SCN1A: variants seen among roughly 807,000 people sequenced by gnomAD.
SCN1A encodes sodium channel protein type 1 subunit alpha.
SCN1A carries 13 observed loss-of-function variants against 193.7 expected under a neutral mutation model. The observed-to-expected ratio is 0.07, with a 90% confidence interval of 0.04 to 0.11. The LOEUF (loss-of-function observed/expected upper bound fraction) is 0.11. Ranked by LOEUF, SCN1A falls within the 10% of genes least tolerant of loss-of-function variation. The pLI, the probability that SCN1A is intolerant of heterozygous loss-of-function variation, is 1.00. For missense variants in SCN1A, 1,432 were observed against 2,451.1 expected (o/e 0.58, Z 8.78); for synonymous variants, 781 against 843.6 (o/e 0.93, Z 1.29).
intron 2 of SCN1A, among the ~76,000 whole-genome samples, chr2:166,082,869 T>G (rs1305085108): frequency 2.0e-5 from 3 of 152,082 alleles, no homozygotes; most frequent in Non-Finnish European, 4.4e-5. Context: ...ATATCCATAC[T>G]GAAGAGAAAC....
rs1195803168 is a variant in SCN1A at position 165,990,304 on chromosome 2, A to G, written c.*941T>C. 1 of 152,704 alleles carries G rather than the reference A, an allele frequency of 6.5e-6. No homozygotes were observed. Among genetic ancestry groups the G allele is most frequent in the Admixed American group, 6.5e-5 (1 of 15,274 alleles). The allele number at this position is 152,704 out of a possible 1,614,324, so 9.5% of individuals were successfully genotyped here. A position where few individuals can be genotyped will look rare whatever the true frequency, so the allele number is the denominator to read the frequency against. ...CATTTCATTAACATATACAGTGTCA[A>G]CCTTGCTGAGAGCCGAAGATGGCTA... On this transcript the variant is annotated 3_prime_UTR_variant, in exon 29 of 29. Transcript: ENST00000674923.
intron 17 of SCN1A, 45 bp downstream of exon 17, chr2:166,039,378 G>A: frequency 3.8e-6 from 6 of 1,582,934 alleles, no homozygotes; most frequent in Non-Finnish European, 4.3e-6. Context: ...AACCCTGATT[G>A]TTAGAAAGGT....
In SCN1A at chr2:166,041,474, AT is replaced by A; in HGVS notation, c.2177-6del. ...TCTGCCTGGATTCTTCAAGTTCTAG[AT>A]TAAGAAAAAAAAAAAAAAGAACCAC... On this transcript the variant is annotated splice_polypyrimidine_tract_variant and splice_region_variant and intron_variant, in intron 15 of 28. Transcript: ENST00000674923. The A allele has an allele frequency of 7.4e-7, 1 of 1,344,664 alleles. No homozygotes were observed. Among genetic ancestry groups the A allele is most frequent in the African/African-American group, 1.7e-5 (1 of 57,304 alleles). The allele number at this position is 1,344,664 out of a possible 1,614,324, so 83.3% of individuals were successfully genotyped here. A position where few individuals can be genotyped will look rare whatever the true frequency, so the allele number is the denominator to read the frequency against.
At chr2:166,070,771 A>G (rs1684333635) in intron 4 of SCN1A, among the ~76,000 whole-genome samples, 1 of 152,180 alleles carries the variant, frequency 6.6e-6, no homozygotes, top group African/African-American at 2.4e-5. Context: ...TAATTAAAGA[A>G]AAAAAAGATT....
At chr2:166,085,255 T>C (rs971629743) in intron 2 of SCN1A, among the ~76,000 whole-genome samples, 1 of 152,192 alleles carries the variant, frequency 6.6e-6, no homozygotes, top group Non-Finnish European at 1.5e-5. Context: ...TAGTCATTAG[T>C]GTTATTAAGA....
chr2:166,142,914 A>G (rs1692149867), intron 1 of SCN1A, among the ~76,000 whole-genome samples: 2 of 152,166 alleles, frequency 1.3e-5, no homozygotes, highest in African/African-American at 4.8e-5. Context: ...GCCTGCAGCC[A>G]TGTAAGGCGT....
At chr2:166,147,341 A>G (rs1429912358) in intron 1 of SCN1A, among the ~76,000 whole-genome samples, 1 of 152,252 alleles carries the variant, frequency 6.6e-6, no homozygotes, top group Non-Finnish European at 1.5e-5. Context: ...ATACAAAGAT[A>G]TATATGGTAG....
chr2:166,072,491 C>T (rs1046164150), intron 4 of SCN1A, among the ~76,000 whole-genome samples: 1 of 151,916 alleles, frequency 6.6e-6, no homozygotes, highest in Non-Finnish European at 1.5e-5. Context: ...TACATTAATA[C>T]CAAAATATTA....
chr2:166,056,593 G>A (rs1205678754), intron 5 of SCN1A, 93 bp from the exon 6 acceptor site: 1 of 877,300 alleles, frequency 1.1e-6, no homozygotes, highest in Non-Finnish European at 1.9e-6. Flanking sequence ...CTGCAGCTTA[G>A]CCAAAATTCA....
rs781107120 is a variant in SCN1A at position 166,029,998 on chromosome 2, A to G, written c.3429+6050T>C. 2.6e-5 allele frequency among the ~76,000 whole-genome samples: 4 copies of G among 152,298 alleles called. No individual in the cohort carries two copies. The South Asian group carries it at 8.3e-4, about 32-fold the overall frequency. On this transcript the variant is annotated intron_variant, in intron 19 of 28. Coordinates refer to ENST00000674923, the MANE Select transcript of SCN1A (RefSeq NM_001165963.4). Reference sequence around the variant, plus strand: ...TTCAGGACTAAGCAGGAGGACTCTGAAACACTCCAGACTATGCTGTTAACC... The same window carrying G: ...TTCAGGACTAAGCAGGAGGACTCTGGAACACTCCAGACTATGCTGTTAACC...
intron 19 of SCN1A, among the ~76,000 whole-genome samples, chr2:166,020,470 T>C (rs1223491545): frequency 6.6e-6 from 1 of 152,222 alleles, no homozygotes. Flanking sequence ...GGCTACTGCC[T>C]AGGATATCTG....
intron 2 of SCN1A, among the ~76,000 whole-genome samples, chr2:166,088,350 T>TGGTGCCAATGCCTATTTTCA (rs575351882): frequency 0.016 from 2,443 of 152,248 alleles, 36 homozygotes; most frequent in Middle Eastern, 0.037. Context: ...ACCATTTTTG[T>TGGTGCCAATGCCTATTTTCA]GGTGCCAATG....
rs202159085 is a variant in SCN1A at position 165,991,563 on chromosome 2, C to T, written c.5712G>A (p.Gln1904=). Residue 1904 remains glutamine, a synonymous_variant, in exon 29 of 29, where the codon CAG becomes CAA. Coordinates refer to ENST00000674923, the MANE Select transcript of SCN1A (RefSeq NM_001165963.4). ...MASNPSKVSY[Q]PITTTLKRKQ... ...TTCGTTTTAAAGTAGTAGTGATTGGCTGATAGGAGACCTTGGAAGGATTGG... is the reference window on the plus strand; with the variant it reads ...TTCGTTTTAAAGTAGTAGTGATTGGTTGATAGGAGACCTTGGAAGGATTGG... The T allele has an allele frequency of 3.1e-6, 5 of 1,613,904 alleles. No homozygotes were observed. In the East Asian group the frequency reaches 8.9e-5, roughly 29 times the overall value.
At chr2:166,104,280 A>G (rs1294371019) in intron 2 of SCN1A, 1 of 152,248 alleles carries the variant, frequency 6.6e-6, no homozygotes, top group Non-Finnish European at 1.5e-5. Flanking sequence ...TAGAAGAAGT[A>G]ACAGGGAAGA....
intron 23 of SCN1A, among the ~76,000 whole-genome samples, chr2:166,003,545 G>A (rs1691237978): frequency 6.6e-6 from 1 of 150,560 alleles, no homozygotes; most frequent in South Asian, 2.1e-4. Flanking sequence ...TTCTATAGAA[G>A]GATGTTTTCC....
intron 2 of SCN1A, chr2:166,123,405 C>A (rs1574608458): frequency 6.6e-6 from 1 of 152,216 alleles, no homozygotes; most frequent in Non-Finnish European, 1.5e-5. Context: ...GACTGGGTGA[C>A]TATATCATTC....
At chr2:166,059,977 T>C (rs1250468233) in intron 4 of SCN1A, among the ~76,000 whole-genome samples, 1 of 152,208 alleles carries the variant, frequency 6.6e-6, no homozygotes, top group Non-Finnish European at 1.5e-5. Context: ...AGTATAGATA[T>C]GGAGAGTCCA....
chr2:166,003,132 C>G lies in SCN1A; in HGVS notation c.4003-379G>C, dbSNP rs1691170140. On this transcript the variant is annotated intron_variant, in intron 23 of 28. Transcript: ENST00000674923. The stretch of plus-strand genomic sequence containing the variant: ...AGAAGTTTAACTCATTTTAAAAAGG[C>G]AATATATTAAAGAACAAAACTAAAA... Among the ~76,000 whole-genome samples, 3 of 151,314 alleles carry G rather than the reference C, an allele frequency of 2.0e-5. No homozygotes were observed. In the South Asian group the frequency reaches 6.2e-4, roughly 31 times the overall value.
At chr2:166,019,389 T>A (rs1693719477) in intron 19 of SCN1A, among the ~76,000 whole-genome samples, 1 of 152,200 alleles carries the variant, frequency 6.6e-6, no homozygotes. Context: ...TGTAGGAAAG[T>A]GGAGGTGTGC....
Sources: gnomAD v4.1 joint callset for allele counts (sites outside exome capture counted in the v4.1 genomes callset) on GRCh38, gnomAD v4.1.1 for gene constraint, MANE v1.5 for transcripts, NCBI Gene and HGNC (gene_info 2026-07-23, HGNC 2026-07-21) for gene names.